The following PARP9 variants were observed in gnomAD, a reference collection of about 807,000 sequenced individuals.
PARP9 encodes the protein protein mono-ADP-ribosyltransferase PARP9.
Under a neutral mutation model 68.8 loss-of-function variants are expected in PARP9, and 48 were observed. The observed-to-expected ratio is 0.70, with a 90% CI of 0.55 to 0.89. The LOEUF (loss-of-function observed/expected upper bound fraction) is 0.89. PARP9 is among the 40% of genes least tolerant of loss of function. PARP9 has a pLI of 0.00. For missense variants in PARP9, 806 were observed against 969.3 expected (o/e 0.83, Z 2.24); for synonymous variants, 309 against 333.8 (o/e 0.93, Z 0.81).
rs761430094 is a variant in PARP9 at position 122,555,960 on chromosome 3, A to C, written c.211T>G (p.Ser71Ala). The C allele has an allele frequency of 2.5e-6, 4 of 1,613,902 alleles. No individual in the cohort carries two copies. Among genetic ancestry groups the C allele is most frequent in the Non-Finnish European group, 3.4e-6 (4 of 1,179,984 alleles). Residue 71 changes from serine (S) to alanine (A), a missense_variant, in exon 4 of 11, where the codon TCT (serine) becomes GCT (alanine). Physicochemically the swap from Ser to Ala is moderately conservative, Grantham distance 99 (BLOSUM62 1). Transcript: ENST00000682323. Reference sequence around the variant, plus strand: ...AGCATTTTTCTGAACACTTGCAGAGATTTGCTGTTGCCTTCCTGAACTGGA... The same window carrying C: ...AGCATTTTTCTGAACACTTGCAGAGCTTTGCTGTTGCCTTCCTGAACTGGA... The part of the protein sequence containing the change: ...VSPVQEGNSK[S>A]LQVFRKMLTP...
chr3:122,556,144 A>T, intron 3 of PARP9, 23 bp from the exon 4 acceptor site: 1 of 416,392 alleles, frequency 2.4e-6, no homozygotes. Context: ...AGAAGATTAA[A>T]AAAAAAAAAA....
chr3:122,539,567 C>CTTTCTT (rs1347024453), intron 8 of PARP9, among the ~76,000 whole-genome samples: 1 of 86,916 alleles, frequency 1.2e-5, no homozygotes, highest in East Asian at 3.4e-4. Flanking sequence ...TTCTTTCTTT[C>CTTTCTT]TTTTTTTTTT....
intron 3 of PARP9, among the ~76,000 whole-genome samples, chr3:122,558,044 G>C (rs571495120): frequency 6.6e-6 from 1 of 152,322 alleles, no homozygotes; most frequent in South Asian, 2.1e-4. Context: ...GCCGGAATTG[G>C]GTAGTCAGGC....
intron 1 of PARP9, among the ~76,000 whole-genome samples, chr3:122,560,254 A>G (rs976971422): frequency 2.6e-5 from 4 of 152,254 alleles, no homozygotes; most frequent in Non-Finnish European, 5.9e-5. Flanking sequence ...ATACTTTGTT[A>G]TGATTTTCCA....
At chr3:122,530,465 C>T (rs955686245) in intron 10 of PARP9, among the ~76,000 whole-genome samples, 2 of 152,074 alleles carry the variant, frequency 1.3e-5, no homozygotes, top group Non-Finnish European at 2.9e-5. Context: ...TGCCCTATTC[C>T]CACCACTAGA....
rs372421520 is a variant in PARP9, at chr3:122,550,821, T to A, written c.1108-19A>T. 4 of 1,596,670 alleles carry A rather than the reference T, an allele frequency of 2.5e-6. No individual in the cohort carries two copies. Among genetic ancestry groups the A allele is most frequent in the Non-Finnish European group, 3.4e-6 (4 of 1,165,782 alleles). On this transcript the variant is annotated intron_variant, in intron 5 of 10. Transcript: ENST00000682323. ...TTAATATCTGCAGGAAAACACAAAT[T>A]TAAGATCAGCATTTGAGTCAAGAAC...
intron 5 of PARP9, among the ~76,000 whole-genome samples, chr3:122,551,427 A>C (rs1211488667): frequency 6.6e-6 from 1 of 152,188 alleles, no homozygotes; most frequent in African/African-American, 2.4e-5. Flanking sequence ...AAGGCAGAGA[A>C]GGGGATTAAG....
intron 6 of PARP9, among the ~76,000 whole-genome samples, chr3:122,547,242 G>T (rs1368936258): frequency 6.7e-6 from 1 of 149,968 alleles, no homozygotes; most frequent in Non-Finnish European, 1.5e-5. Context: ...TTACAGGCAC[G>T]TACCACCATG....
intron 7 of PARP9, among the ~76,000 whole-genome samples, chr3:122,542,609 A>G (rs974949283): frequency 3.3e-5 from 5 of 151,214 alleles, no homozygotes; most frequent in African/African-American, 1.2e-4. Flanking sequence ...CCTCCCGAGT[A>G]GCTGGGATTA....
chr3:122,557,006 T>C (rs565966002), intron 3 of PARP9, among the ~76,000 whole-genome samples: 3 of 152,238 alleles, frequency 2.0e-5, no homozygotes, highest in Non-Finnish European at 4.4e-5. Context: ...AATTTCCGTA[T>C]TTTTTTCTGT....
chr3:122,556,217 G>T, intron 3 of PARP9, 96 bp from the exon 4 acceptor site: 2 of 826,904 alleles, frequency 2.4e-6, no homozygotes, highest in Non-Finnish European at 3.5e-6. Context: ...CCAGGAGACT[G>T]TGTTTCCTAT....
At chr3:122,556,949 C>T (rs2133851) in intron 3 of PARP9, among the ~76,000 whole-genome samples, 78,694 of 151,968 alleles carry the variant, frequency 0.52, 21,067 homozygotes, top group East Asian at 0.73. Flanking sequence ...CCTGAGTAGC[C>T]AGGGCTACAG....
chr3:122,535,960 G>C, intron 10 of PARP9: 2 of 1,442,446 alleles, frequency 1.4e-6, no homozygotes, highest in Non-Finnish European at 1.8e-6. Flanking sequence ...AATGTAAAAT[G>C]CATCAGCAAC....
chr3:122,528,136 G>C lies in PARP9; in HGVS notation c.*228C>G. 1 of 408,692 alleles carries C rather than the reference G, an allele frequency of 2.4e-6. No individual in the cohort carries two copies. Among genetic ancestry groups the C allele is most frequent in the Non-Finnish European group, 4.3e-6 (1 of 231,784 alleles). 25.3% of individuals were successfully genotyped at this position (408,692 alleles called of 1,614,324 possible). ...ATTAAAGAACAACTGCAAGAGGAAGGAAGGTCCTGAAAGTGTTTCATTTGG... is the reference window on the plus strand; with the variant it reads ...ATTAAAGAACAACTGCAAGAGGAAGCAAGGTCCTGAAAGTGTTTCATTTGG... On this transcript the variant is annotated 3_prime_UTR_variant, in exon 11 of 11. Coordinates refer to ENST00000682323, the MANE Select transcript of PARP9 (RefSeq NM_001146105.2).
chr3:122,533,496 A>G (rs774187033), intron 10 of PARP9: 18 of 183,430 alleles, frequency 9.8e-5, no homozygotes, highest in Non-Finnish European at 1.6e-4. Context: ...CCATGGGAAC[A>G]GGTGCCATCA....
chr3:122,537,074 C>A lies in PARP9; in HGVS notation c.1766-1G>T. On this transcript the variant is annotated splice_acceptor_variant, in intron 8 of 10. Transcript: ENST00000682323. LOFTEE classifies it high-confidence loss of function. ...TTTTGTTGCTGAATAGTCCACTGTCCTAAAAATGAGTAACACAAAAACTTT... is the reference window on the plus strand; with the variant it reads ...TTTTGTTGCTGAATAGTCCACTGTCATAAAAATGAGTAACACAAAAACTTT... The A allele has an allele frequency of 6.2e-7, 1 of 1,600,940 alleles. No homozygotes were observed. The highest frequency in any genetic ancestry group is 8.5e-7 in the Non-Finnish European group (1 of 1,176,074).
chr3:122,531,831 T>C (rs913607686), intron 10 of PARP9: 1 of 152,112 alleles, frequency 6.6e-6, no homozygotes, highest in Admixed American at 6.5e-5. Flanking sequence ...CAGAGAGTAA[T>C]ACAAAATATT....
chr3:122,528,430 T>C lies in PARP9; in HGVS notation c.2394A>G (p.Ser798=). Residue 798 remains serine (S), a synonymous_variant, in exon 11 of 11, where the codon TCA becomes TCG. Transcript: ENST00000682323. ...QEYVQSQDYS[S]GPMRPFAQHP... Reference sequence around the variant, plus strand: ...GCTGTGCAAAGGGTCTCATTGGTCCTGATGAGTAATCTTGTGACTGTACAT... The same window carrying C: ...GCTGTGCAAAGGGTCTCATTGGTCCCGATGAGTAATCTTGTGACTGTACAT... 1 of 1,614,244 alleles carries C rather than the reference T, an allele frequency of 6.2e-7. No homozygotes were observed. The highest frequency in any genetic ancestry group is 8.5e-7 in the Non-Finnish European group (1 of 1,180,044).
intron 4 of PARP9, among the ~76,000 whole-genome samples, chr3:122,553,507 C>T (rs10804557): frequency 0.52 from 78,362 of 152,022 alleles, 20,835 homozygotes; most frequent in East Asian, 0.67. Flanking sequence ...ATGTTCCTAA[C>T]GTTGCTGGCA....
Sources: gnomAD v4.1 joint callset for allele counts (sites outside exome capture counted in the v4.1 genomes callset) on GRCh38, gnomAD v4.1.1 for gene constraint, MANE v1.5 for transcripts, NCBI Gene and HGNC (gene_info 2026-07-23, HGNC 2026-07-21) for gene names.